The following HPS5 variants were observed in gnomAD, a reference collection of about 807,000 sequenced individuals.
The protein encoded by HPS5 is HPS5 biogenesis of lysosomal organelles complex 2 subunit 2, also known as BLOC-2 complex member HPS5.
A neutral mutation model predicts 128.0 loss-of-function variants in HPS5; 83 were observed. The observed-to-expected ratio is 0.65, with a 90% CI of 0.54 to 0.78. HPS5 has a LOEUF of 0.78. HPS5 is among the 30% of genes least tolerant of loss of function. The pLI is 0.00. For missense variants in HPS5, 1,281 were observed against 1,326.2 expected, an observed-to-expected ratio of 0.97 and a Z score of 0.53; for synonymous variants, 475 against 470.2, an observed-to-expected ratio of 1.01 and a Z score of -0.13.
intron 3 of HPS5, 54 bp from the exon 4 acceptor site, chr11:18,311,505 A>AT (rs1405485967): frequency 3.8e-5 from 31 of 816,710 alleles, no homozygotes; most frequent in African/African-American, 1.1e-4. Context: ...CATTATTATT[A>AT]TTATTATTTT....
chr11:18,288,752 G>T, intron 16 of HPS5, among the ~76,000 whole-genome samples: 1 of 151,736 alleles, frequency 6.6e-6, no homozygotes, highest in South Asian at 2.1e-4. Flanking sequence ...GTGTGTGTGT[G>T]TGTGTGCAGC....
In HPS5 at chr11:18,280,110, A is replaced by C. The variant is rs189452384; in HGVS notation, c.3330-168T>G. On this transcript the variant is annotated intron_variant, in intron 22 of 22. Coordinates refer to ENST00000349215, the MANE Select transcript of HPS5 (RefSeq NM_181507.2). ...GGCAACCTACAGAATGGAAGAAAATATTTGCAAATCATGTATCTGATAAGA... is the reference window on the plus strand; with the variant it reads ...GGCAACCTACAGAATGGAAGAAAATCTTTGCAAATCATGTATCTGATAAGA... 5.3e-5 allele frequency among the ~76,000 whole-genome samples: 8 copies of C among 152,350 alleles called. No homozygotes were observed. In the East Asian group the frequency reaches 1.5e-3, roughly 29 times the overall value.
Position 18,309,103 on chromosome 11 carries a change from TAA to T in HPS5, c.478-26_478-25del, listed in dbSNP as rs753381419. The T allele has an allele frequency of 3.7e-6, 6 of 1,609,268 alleles. No individual in the cohort carries two copies. In the South Asian group the frequency reaches 4.4e-5, roughly 12 times the overall value. Reference sequence around the variant, plus strand: ...GCCTAAAAGGAATGTGAGAAAGAAATAAAGTTTATTTAATCATAACATACACA... The same window carrying T: ...GCCTAAAAGGAATGTGAGAAAGAAATAGTTTATTTAATCATAACATACACA... On this transcript the variant is annotated intron_variant, in intron 5 of 22. Transcript: ENST00000349215.
At chr11:18,318,042 G>T (rs1863853674) in intron 1 of HPS5, 135 bp from the exon 2 acceptor site, 2 of 650,424 alleles carry the variant, frequency 3.1e-6, no homozygotes, top group East Asian at 2.7e-5. Flanking sequence ...AACACATAAG[G>T]TAACATCGTA....
chr11:18,308,907 A>C, intron 6 of HPS5, 39 bp downstream of exon 6: 1 of 1,608,872 alleles, frequency 6.2e-7, no homozygotes, highest in Non-Finnish European at 8.5e-7. Flanking sequence ...CCAGTTCTAA[A>C]ATTCTGCATT....
At chr11:18,301,575 CGG>C (rs1469097297) in intron 8 of HPS5, among the ~76,000 whole-genome samples, 19 of 151,584 alleles carry the variant, frequency 1.3e-4, no homozygotes, top group Admixed American at 1.2e-3. Context: ...GGACATGATA[CGG>C]GCACATTTAA....
At chr11:18,288,638 C>T (rs1860024470) in intron 16 of HPS5, among the ~76,000 whole-genome samples, 1 of 151,246 alleles carries the variant, frequency 6.6e-6, no homozygotes, top group African/African-American at 2.4e-5. Flanking sequence ...GGGTTTTTTT[C>T]CAAGTAGTTT....
In HPS5 at chr11:18,296,019, A is replaced by G. The variant is rs1156677032; in HGVS notation, c.1614T>C (p.Ser538=). The G allele has an allele frequency of 6.2e-7, 1 of 1,613,846 alleles. No individual in the cohort carries two copies. Among genetic ancestry groups the G allele is most frequent in the East Asian group, 2.2e-5 (1 of 44,870 alleles). The change falls in exon 13 of 23, where the codon TCT becomes TCC. Residue 538 remains serine, a synonymous_variant. Transcript: ENST00000349215. ...TTTACCTTTCTTTGACAGCCTGAAG[A>G]GACACAAGAGGAGATGGAGAACGAA... The part of the protein sequence containing the change: ...LPFRSPSPLV[S]LQAVKESVSS...
chr11:18,316,896 C>T (rs1255679877), intron 2 of HPS5, among the ~76,000 whole-genome samples: 3 of 152,190 alleles, frequency 2.0e-5, no homozygotes, highest in South Asian at 4.1e-4. Flanking sequence ...CAAGTAGCTT[C>T]AAGAGGTAAT....
intron 2 of HPS5, chr11:18,314,594 T>C (rs772396441): frequency 1.3e-5 from 2 of 152,230 alleles, no homozygotes; most frequent in Non-Finnish European, 2.9e-5. Flanking sequence ...AATCAAAGTG[T>C]ATATTTAAAG....
In HPS5 at chr11:18,279,255, G is replaced by A. The variant is rs928712269; in HGVS notation, c.*627C>T. 4 of 153,006 alleles carry A rather than the reference G, an allele frequency of 2.6e-5. No homozygotes were observed. Among genetic ancestry groups the A allele is most frequent in the African/African-American group, 4.8e-5 (2 of 41,372 alleles). 9.5% of individuals were successfully genotyped at this position (153,006 alleles called of 1,614,324 possible). On this transcript the variant is annotated 3_prime_UTR_variant, in exon 23 of 23. Transcript: ENST00000349215. ...TCACTATGTTGCCCAGGCTGGTCTT[G>A]AACTCCTGGCCTCAAGTGATCCTCC...
At chr11:18,288,857 C>A (rs2134260348) in intron 16 of HPS5, among the ~76,000 whole-genome samples, 1 of 151,304 alleles carries the variant, frequency 6.6e-6, no homozygotes, top group African/African-American at 2.4e-5. Flanking sequence ...CGTTGCCTAG[C>A]TGCAATACCT....
chr11:18,283,698 T>C (rs557339770), intron 21 of HPS5, 97 bp downstream of exon 21: 2 of 798,426 alleles, frequency 2.5e-6, no homozygotes, highest in East Asian at 2.4e-5. Context: ...ATATTAAATA[T>C]ATGATCATTG....
At chr11:18,321,874 C>T (rs1315534891) in intron 1 of HPS5, 72 bp downstream of exon 1, 2 of 152,252 alleles carry the variant, frequency 1.3e-5, no homozygotes, top group Non-Finnish European at 2.9e-5. Context: ...CTGAACACAC[C>T]GCTAGAGACA....
intron 8 of HPS5, among the ~76,000 whole-genome samples, chr11:18,304,305 C>T (rs1228247028): frequency 6.6e-6 from 1 of 151,830 alleles, no homozygotes; most frequent in African/African-American, 2.4e-5. Context: ...CAACCTCTAC[C>T]TTCCAGGTTC....
At chr11:18,318,981 C>T (rs1221809513) in intron 1 of HPS5, among the ~76,000 whole-genome samples, 1 of 151,954 alleles carries the variant, frequency 6.6e-6, no homozygotes, top group East Asian at 1.9e-4. Context: ...ATAACACAAT[C>T]TTATTTTCTG....
At chr11:18,281,488 C>A (rs1052984234) in intron 22 of HPS5, among the ~76,000 whole-genome samples, 8 of 151,946 alleles carry the variant, frequency 5.3e-5, no homozygotes, top group Non-Finnish European at 2.9e-5. Context: ...CAACCTCCAC[C>A]TTCCGAGTTC....
At position 18,296,984 on chromosome 11, in the gene HPS5, C is replaced by T; in HGVS notation, c.1324G>A (p.Glu442Lys). 1 of 1,576,368 alleles carries T rather than the reference C, an allele frequency of 6.3e-7. No individual in the cohort carries two copies. Among genetic ancestry groups the T allele is most frequent in the Non-Finnish European group, 8.7e-7 (1 of 1,150,358 alleles). The change falls in exon 12 of 23, where the codon GAA (glutamate) becomes AAA (lysine). Residue 442 changes from glutamate to lysine, a missense_variant and splice_region_variant. Glu to Lys is a moderately conservative substitution (Grantham distance 56). Coordinates refer to ENST00000349215, the MANE Select transcript of HPS5 (RefSeq NM_181507.2). Reference protein sequence around the residue: ...SSRRSSISSHESFSILDSGIY... With the variant: ...SSRRSSISSHKSFSILDSGIY... The stretch of plus-strand genomic sequence containing the variant: ...CCAGAGTCCAAGATGCTGAAACTTT[C>T]CTAAAAATTAAAAGAATTCAAAAAA...
chr11:18,292,692 C>T (rs1860562543), intron 15 of HPS5, among the ~76,000 whole-genome samples: 1 of 152,096 alleles, frequency 6.6e-6, no homozygotes, highest in African/African-American at 2.4e-5. Context: ...TTATTGCTGC[C>T]AAGAATGAAA....
Sources: gnomAD v4.1 joint callset for allele counts (sites outside exome capture counted in the v4.1 genomes callset) on GRCh38, gnomAD v4.1.1 for gene constraint, MANE v1.5 for transcripts, NCBI Gene and HGNC (gene_info 2026-07-23, HGNC 2026-07-21) for gene names.